The following ARHGEF38 variants were observed in gnomAD, a reference collection of about 807,000 sequenced individuals.
ARHGEF38 encodes the protein Rho guanine nucleotide exchange factor 38, also known as Rho guanine nucleotide exchange factor (GEF) 38.
In ARHGEF38, 79 loss-of-function variants were observed where a neutral mutation model predicts 79.9. That is an observed-to-expected ratio of 0.99 (90% CI 0.82 to 1.19). ARHGEF38 has a LOEUF of 1.19. ARHGEF38 is among the 50% of genes most tolerant of loss of function. The pLI is 0.00. For synonymous variants in ARHGEF38, 366 were observed against 328.3 expected, an observed-to-expected ratio of 1.11 and a Z score of -1.24; for missense variants, 962 against 907.2, an observed-to-expected ratio of 1.06 and a Z score of -0.78.
At chr4:105,553,019 C>T (rs1470547942) in intron 1 of ARHGEF38, 58 bp downstream of exon 1, 33 of 1,370,124 alleles carry the variant, frequency 2.4e-5, no homozygotes, top group South Asian at 1.5e-4. Flanking sequence ...ATTTCTGCTA[C>T]GTTTCCAATT....
intron 1 of ARHGEF38, among the ~76,000 whole-genome samples, chr4:105,578,542 T>C (rs1207785885): frequency 6.6e-6 from 1 of 152,212 alleles, no homozygotes; most frequent in Non-Finnish European, 1.5e-5. Context: ...CCACTATTAT[T>C]GTGTTGCTGT....
At chr4:105,671,336 T>C (rs1307204773) in intron 13 of ARHGEF38, among the ~76,000 whole-genome samples, 1 of 152,130 alleles carries the variant, frequency 6.6e-6, no homozygotes, top group Non-Finnish European at 1.5e-5. Flanking sequence ...CCCAATAAAC[T>C]TACTGCAAGA....
At chr4:105,654,233 A>C in intron 8 of ARHGEF38, 64 bp downstream of exon 8, 1 of 996,408 alleles carries the variant, frequency 1.0e-6, no homozygotes, top group Non-Finnish European at 1.4e-6. Flanking sequence ...ATTGATTTCC[A>C]TGGTTGTTTT....
chr4:105,558,751 A>G (rs778594070), intron 1 of ARHGEF38, among the ~76,000 whole-genome samples: 34 of 151,980 alleles, frequency 2.2e-4, no homozygotes, highest in Non-Finnish European at 4.4e-4. Flanking sequence ...ATTTATTCCT[A>G]TGTTTGACCG....
intron 2 of ARHGEF38, among the ~76,000 whole-genome samples, chr4:105,603,415 G>A (rs1403922863): frequency 6.6e-6 from 1 of 152,084 alleles, no homozygotes; most frequent in Non-Finnish European, 1.5e-5. Context: ...GGGGGAAGGT[G>A]TACTTGAACT....
intron 10 of ARHGEF38, among the ~76,000 whole-genome samples, chr4:105,663,286 A>C (rs1469900225): frequency 2.0e-5 from 3 of 152,210 alleles, no homozygotes; most frequent in Non-Finnish European, 4.4e-5. Flanking sequence ...TAAAATGAGA[A>C]TAATAATGTA....
intron 2 of ARHGEF38, among the ~76,000 whole-genome samples, chr4:105,603,524 A>G (rs1727912314): frequency 6.6e-6 from 1 of 152,040 alleles, no homozygotes; most frequent in African/African-American, 2.4e-5. Flanking sequence ...GGCTATTCCC[A>G]TGATGGTGGT....
chr4:105,573,738 GT>G (rs538837798), intron 1 of ARHGEF38, among the ~76,000 whole-genome samples: 6,107 of 144,500 alleles, frequency 0.042, 356 homozygotes, highest in African/African-American at 0.13. Flanking sequence ...TTTAGGATGG[GT>G]TTTTTTTTTT....
intron 13 of ARHGEF38, among the ~76,000 whole-genome samples, chr4:105,675,271 G>A (rs1038231677): frequency 6.6e-6 from 1 of 152,116 alleles, no homozygotes; most frequent in African/African-American, 2.4e-5. Context: ...GCACCAATTA[G>A]CTCTATAATT....
intron 9 of ARHGEF38, among the ~76,000 whole-genome samples, chr4:105,657,957 A>T (rs1335973708): frequency 6.6e-6 from 1 of 152,188 alleles, no homozygotes; most frequent in Non-Finnish European, 1.5e-5. Flanking sequence ...ATATCATATA[A>T]GCATATATGA....
At chr4:105,626,515 C>A (rs560180227) in intron 3 of ARHGEF38, among the ~76,000 whole-genome samples, 1 of 152,146 alleles carries the variant, frequency 6.6e-6, no homozygotes, top group Non-Finnish European at 1.5e-5. Flanking sequence ...TGTCACACAT[C>A]GAGTAAATGG....
intron 3 of ARHGEF38, among the ~76,000 whole-genome samples, chr4:105,622,928 C>A (rs868518943): frequency 6.6e-5 from 10 of 152,118 alleles, no homozygotes; most frequent in Middle Eastern, 3.2e-3. Context: ...ATCTAAATAC[C>A]AGAGATTTGG....
At chr4:105,632,033 G>T (rs1010025939) in intron 4 of ARHGEF38, among the ~76,000 whole-genome samples, 10 of 152,132 alleles carry the variant, frequency 6.6e-5, no homozygotes, top group African/African-American at 2.4e-4. Flanking sequence ...GATCCCCAAC[G>T]GGGATGGGGA....
intron 1 of ARHGEF38, among the ~76,000 whole-genome samples, chr4:105,559,814 T>TA (rs1181719184): frequency 6.6e-6 from 1 of 151,972 alleles, no homozygotes; most frequent in African/African-American, 2.4e-5. Context: ...GTTGTGAAAG[T>TA]AAGAGGGAAG....
chr4:105,674,516 A>G (rs1463617403), intron 13 of ARHGEF38, among the ~76,000 whole-genome samples: 1 of 152,152 alleles, frequency 6.6e-6, no homozygotes, highest in Non-Finnish European at 1.5e-5. Context: ...TTAAAAATTT[A>G]TAACTTGTAG....
At chr4:105,556,322 C>A (rs926565459) in intron 1 of ARHGEF38, among the ~76,000 whole-genome samples, 1 of 152,086 alleles carries the variant, frequency 6.6e-6, no homozygotes, top group Non-Finnish European at 1.5e-5. Flanking sequence ...ACATGTCTGA[C>A]CTTTACTCCA....
intron 5 of ARHGEF38, among the ~76,000 whole-genome samples, chr4:105,637,561 G>T (rs1729448834): frequency 6.6e-6 from 1 of 152,084 alleles, no homozygotes; most frequent in Admixed American, 6.6e-5. Context: ...ATAGTTGATG[G>T]GGGCTGGGAA....
intron 10 of ARHGEF38, among the ~76,000 whole-genome samples, chr4:105,661,345 G>A (rs1324132213): frequency 6.6e-6 from 1 of 151,800 alleles, no homozygotes; most frequent in African/African-American, 2.4e-5. Flanking sequence ...ACCTAGGAGT[G>A]GAATTTCTGG....
intron 3 of ARHGEF38, among the ~76,000 whole-genome samples, chr4:105,614,833 C>G (rs776266146): frequency 2.6e-5 from 4 of 152,118 alleles, no homozygotes; most frequent in African/African-American, 4.8e-5. Context: ...TGCTTGGTAT[C>G]AAAAGGTGAA....
Sources: gnomAD v4.1 joint callset for allele counts (sites outside exome capture counted in the v4.1 genomes callset) on GRCh38, gnomAD v4.1.1 for gene constraint, MANE v1.5 for transcripts, NCBI Gene and HGNC (gene_info 2026-07-23, HGNC 2026-07-21) for gene names.